The following KCNQ1 variants were observed in gnomAD, a reference collection of about 807,000 sequenced individuals.
The protein encoded by KCNQ1 is potassium voltage-gated channel subfamily KQT member 1.
In KCNQ1, 49 loss-of-function variants were observed where a neutral mutation model predicts 72.4. The ratio of observed to expected loss-of-function variants is 0.68; its 90% CI spans 0.54 to 0.86. The LOEUF (loss-of-function observed/expected upper bound fraction) is 0.86, where lower values mean the gene tolerates loss of function less well. Ranked by LOEUF, KCNQ1 falls within the 40% of genes least tolerant of loss-of-function variation. The pLI, the probability that KCNQ1 is intolerant of heterozygous loss-of-function variation, is 0.00. For missense variants in KCNQ1, 790 were observed against 945.1 expected (o/e 0.84, Z 2.15); for synonymous variants, 450 against 412.6 (o/e 1.09, Z -1.10).
At chr11:2,633,400 T>C (rs981569506) in intron 10 of KCNQ1, 1 of 398,444 alleles carries the variant, frequency 2.5e-6, no homozygotes, top group Non-Finnish European at 4.4e-6. Flanking sequence ...TCTATTTTTG[T>C]TTTTGTTGCC....
intron 1 of KCNQ1, among the ~76,000 whole-genome samples, chr11:2,467,544 G>C (rs922954085): frequency 6.6e-6 from 1 of 152,196 alleles, no homozygotes; most frequent in Non-Finnish European, 1.5e-5. Flanking sequence ...ACCACAATCC[G>C]AGTCACATGG....
rs563545081 is a variant in KCNQ1 at position 2,752,939 on chromosome 11, C to T, written c.1515-15905C>T. Among the ~76,000 whole-genome samples the T allele has an allele frequency of 2.6e-5, 4 of 152,296 alleles. No individual in the cohort carries two copies. The highest frequency in any genetic ancestry group is 9.6e-5 in the African/African-American group (4 of 41,574). On this transcript the variant is annotated intron_variant, in intron 11 of 15. Coordinates refer to ENST00000155840, the MANE Select transcript of KCNQ1 (RefSeq NM_000218.3). The surrounding 1 kb of genome is among the most constrained non-coding windows in gnomAD (Gnocchi z 5.2). ...TTCACTGCCAGCCAGGAAGGTCTGC[C>T]CTGGCTGGTCTGGGCTTGAGGACCA... is the stretch of plus-strand genomic sequence containing the variant.
At position 2,617,214 on chromosome 11, in the gene KCNQ1, C is replaced by T; in HGVS notation, c.1393+28360C>T. ...CTGCTACTTGGTATCCTTTGACCTA[C>T]ATCTTTCCATTTTCTTCCCCCACAC... On this transcript the variant is annotated intron_variant, in intron 10 of 15. Transcript: ENST00000155840. The surrounding 1 kb of genome is among the most constrained non-coding windows in gnomAD (Gnocchi z 4.6). 2.5e-6 allele frequency: 1 copy of T among 398,402 alleles called. No individual in the cohort carries two copies. The highest frequency in any genetic ancestry group is 4.4e-6 in the Non-Finnish European group (1 of 225,926). The allele number at this position is 398,402 out of a possible 1,614,324, so 24.7% of individuals were successfully genotyped here. A position where few individuals can be genotyped will look rare whatever the true frequency, so the allele number is the denominator to read the frequency against.
intron 15 of KCNQ1, among the ~76,000 whole-genome samples, chr11:2,791,454 G>T (rs901511048): frequency 3.9e-5 from 6 of 152,188 alleles, no homozygotes; most frequent in African/African-American, 1.2e-4. Flanking sequence ...CGTGGGTCAG[G>T]GCACAGCCTG....
intron 10 of KCNQ1, chr11:2,632,641 C>A (rs1287902043): frequency 2.5e-6 from 1 of 398,216 alleles, no homozygotes; most frequent in African/African-American, 2.1e-5. Flanking sequence ...TATTCATCAA[C>A]TCAAATATCA....
At position 2,669,863 on chromosome 11, in the gene KCNQ1, A is replaced by G. The variant is rs1041107655; in HGVS notation, c.1514+7782A>G. ...TGGGATACAAATGGGGTCACAACAT[A>G]TGGCTGTCAGCTGCTGTCCTTAATA... On this transcript the variant is annotated intron_variant, in intron 11 of 15. Coordinates refer to ENST00000155840, the MANE Select transcript of KCNQ1 (RefSeq NM_000218.3). This position sits in a 1 kb window ranked among gnomAD's most constrained non-coding sequence, Gnocchi z 5.6. The G allele has an allele frequency of 1.3e-5, 5 of 398,500 alleles. No homozygotes were observed. In the East Asian group the frequency reaches 1.4e-4, roughly 11 times the overall value. 24.7% of individuals were successfully genotyped at this position (398,500 alleles called of 1,614,324 possible).
intron 1 of KCNQ1, among the ~76,000 whole-genome samples, chr11:2,513,670 G>A (rs1171877847): frequency 2.0e-5 from 3 of 152,208 alleles, no homozygotes; most frequent in Non-Finnish European, 4.4e-5. Flanking sequence ...CAGCCACCCT[G>A]GCCGCTGTTT....
At position 2,572,851 on chromosome 11, in the gene KCNQ1, G is replaced by A; in HGVS notation, c.786G>A (p.Leu262=). ...CTGTGTGTTTTCTGGCCTAGGAGCT[G>A]ATAACCACCCTGTACATCGGCTTCC... ...GSVVFIHRQE[L]ITTLYIGFLG... Residue 262 remains leucine (L), a synonymous_variant, in exon 6 of 16, where the codon CTG becomes CTA. Transcript: ENST00000155840. 6.8e-6 allele frequency: 11 copies of A among 1,613,838 alleles called. No individual in the cohort carries two copies. Among genetic ancestry groups the A allele is most frequent in the Non-Finnish European group, 9.3e-6 (11 of 1,180,026 alleles).
chr11:2,587,827 C>G (rs1157605986), intron 9 of KCNQ1, 135 bp downstream of exon 9: 2 of 1,262,380 alleles, frequency 1.6e-6, no homozygotes, highest in African/African-American at 1.5e-5. Context: ...CAGCATCGTT[C>G]GGGACACTGG....
Position 2,507,697 on chromosome 11 carries a change from C to T in KCNQ1, c.387-20231C>T, listed in dbSNP as rs576699116. Among the ~76,000 whole-genome samples, 48 of 152,060 alleles carry T rather than the reference C, an allele frequency of 3.2e-4. No homozygotes were observed. The highest frequency in any genetic ancestry group is 4.8e-4 in the African/African-American group (20 of 41,482). ...AGGTGGGAGCTCTGGGGAGAGAGTG[C>T]GGGCTGGGCTCACAAGTTAGGGGAG... is the stretch of plus-strand genomic sequence containing the variant. On this transcript the variant is annotated intron_variant, in intron 1 of 15. Transcript: ENST00000155840. The surrounding 1 kb of genome is among the most constrained non-coding windows in gnomAD (Gnocchi z 5.4).
chr11:2,533,442 C>A (rs541050116), intron 2 of KCNQ1, among the ~76,000 whole-genome samples: 1 of 152,200 alleles, frequency 6.6e-6, no homozygotes, highest in Non-Finnish European at 1.5e-5. Context: ...GCAAAGAGGG[C>A]CCCAACCTGG....
At chr11:2,534,583 A>G (rs1847697947) in intron 2 of KCNQ1, among the ~76,000 whole-genome samples, 1 of 151,354 alleles carries the variant, frequency 6.6e-6, no homozygotes, top group African/African-American at 2.4e-5. Context: ...TTCGGGGGCA[A>G]CTCCCCACTA....
At chr11:2,518,013 G>C (rs1363266098) in intron 1 of KCNQ1, among the ~76,000 whole-genome samples, 1 of 152,254 alleles carries the variant, frequency 6.6e-6, no homozygotes, top group African/African-American at 2.4e-5. Context: ...CCGGAGGCCT[G>C]CATGGAGGAG....
chr11:2,455,100 CTT>C (rs34930428), intron 1 of KCNQ1, among the ~76,000 whole-genome samples: 24 of 142,248 alleles, frequency 1.7e-4, no homozygotes, highest in Admixed American at 2.8e-4. Flanking sequence ...AAATCAGCAG[CTT>C]TTTTTTTTTT....
At chr11:2,845,765 T>C (rs924637511) in intron 15 of KCNQ1, among the ~76,000 whole-genome samples, 1 of 152,178 alleles carries the variant, frequency 6.6e-6, no homozygotes, top group African/African-American at 2.4e-5. Flanking sequence ...GCTCCTGCTC[T>C]GGGCAGGGCA....
chr11:2,476,781 G>T (rs1006364733), intron 1 of KCNQ1, among the ~76,000 whole-genome samples: 7 of 152,118 alleles, frequency 4.6e-5, no homozygotes, highest in African/African-American at 1.7e-4. Context: ...CTACCTCCCG[G>T]GTTCAAGCGC....
chr11:2,561,937 G>A (rs1848174137), intron 2 of KCNQ1, among the ~76,000 whole-genome samples: 1 of 152,160 alleles, frequency 6.6e-6, no homozygotes, highest in Non-Finnish European at 1.5e-5. Flanking sequence ...ATGGGGCCTG[G>A]GGAAGCAGCC....
In KCNQ1 at chr11:2,671,305, T is replaced by C. The variant is rs958818519; in HGVS notation, c.1514+9224T>C. On this transcript the variant is annotated intron_variant, in intron 11 of 15. Transcript: ENST00000155840. This position sits in a 1 kb window ranked among gnomAD's most constrained non-coding sequence, Gnocchi z 4.7. ...TCTGATCTTCTCCATAAGTAATCTTTTCCCATGTGTGGCTGCAGCCTCAGA... is the reference window on the plus strand; with the variant it reads ...TCTGATCTTCTCCATAAGTAATCTTCTCCCATGTGTGGCTGCAGCCTCAGA... 7 of 398,486 alleles carry C rather than the reference T, an allele frequency of 1.8e-5. No homozygotes were observed. In the East Asian group the frequency reaches 2.5e-4, roughly 14 times the overall value. 24.7% of individuals were successfully genotyped at this position (398,486 alleles called of 1,614,324 possible). A position where few individuals can be genotyped will look rare whatever the true frequency, so the allele number is the denominator to read the frequency against.
chr11:2,641,163 T>G (rs1471367657), intron 10 of KCNQ1: 1 of 398,406 alleles, frequency 2.5e-6, no homozygotes, highest in Non-Finnish European at 4.4e-6. Context: ...TACTGATATC[T>G]TTTCCTTTAG....
Sources: allele counts gnomAD v4.1 joint callset (sites outside exome capture counted in the v4.1 genomes callset), GRCh38; gene constraint gnomAD v4.1.1; non-coding constraint Gnocchi (gnomAD v3.1); transcripts MANE v1.5; gene names NCBI Gene and HGNC (gene_info 2026-07-23, HGNC 2026-07-21).